DNAH5: variants seen among roughly 807,000 people sequenced by gnomAD.
DNAH5 encodes the protein dynein axonemal heavy chain 5.
A neutral mutation model predicts 518.2 loss-of-function variants in DNAH5; 372 were observed. That is an observed-to-expected ratio of 0.72 (90% confidence interval 0.66 to 0.78). DNAH5 has a LOEUF of 0.78. DNAH5 is among the 30% of genes least tolerant of loss of function. DNAH5 has a pLI of 0.00. For synonymous variants in DNAH5, 2,039 were observed against 2,025.9 expected (o/e 1.01, Z -0.17); for missense variants, 5,523 against 5,687.0 (o/e 0.97, Z 0.93).
In DNAH5 at chr5:13,942,116, G is replaced by A. The variant is rs979446572; in HGVS notation, c.57+2266C>T. On this transcript the variant is annotated intron_variant, in intron 1 of 78. Transcript: ENST00000265104. ...TGGACCATAATTTTTGCAAATGAGC[G>A]AATGAATATATACAGAATAATTTCA... Among the ~76,000 whole-genome samples the A allele has an allele frequency of 9.9e-5, 15 of 152,212 alleles. No individual in the cohort carries two copies. The East Asian group carries it at 1.5e-3, about 16-fold the overall frequency.
chr5:13,864,555 A>C lies in DNAH5; in HGVS notation c.4438T>G (p.Cys1480Gly). 6.2e-7 allele frequency: 1 copy of C among 1,614,148 alleles called. No homozygotes were observed. Among genetic ancestry groups the C allele is most frequent in the East Asian group, 2.2e-5 (1 of 44,880 alleles). Residue 1480 changes from cysteine to glycine, a missense_variant, in exon 28 of 79, where the codon TGC becomes GGC. Cys to Gly is a radical substitution (Grantham distance 159). Coordinates refer to ENST00000265104, the MANE Select transcript of DNAH5 (RefSeq NM_001369.3). Reference sequence around the variant, plus strand: ...CTGGCCATGTATTCCAGCAGCGGGCAACACTCGCTGAAATCATCAATGATC... The same window carrying C: ...CTGGCCATGTATTCCAGCAGCGGGCCACACTCGCTGAAATCATCAATGATC... ...KKIIDDFSECCPLLEYMASKA... is the reference protein window; with the variant it reads ...KKIIDDFSECGPLLEYMASKA...
Position 13,920,538 on chromosome 5 carries a change from G to A in DNAH5, c.740C>T (p.Pro247Leu). ...PTDYLTLANNPETLGKIEDCM... is the reference protein window; with the variant it reads ...PTDYLTLANNLETLGKIEDCM... ...ATCCTCTATTTTTCCCAAAGTCTCA[G>A]GGTTATTTGCTAGAGTCAAGTAGTC... is the stretch of plus-strand genomic sequence containing the variant. The change falls in exon 6 of 79, where the codon CCT (proline) becomes CTT (leucine). Residue 247 changes from proline to leucine, a missense_variant. This residue lies in a region of DNAH5 where 5,121 missense variants were observed against 5,223.3 expected (regional missense o/e 0.98). Coordinates refer to ENST00000265104, the MANE Select transcript of DNAH5 (RefSeq NM_001369.3). The A allele has an allele frequency of 6.2e-7, 1 of 1,614,138 alleles. No homozygotes were observed. Among genetic ancestry groups the A allele is most frequent in the Non-Finnish European group, 8.5e-7 (1 of 1,180,008 alleles).
Position 13,793,660 on chromosome 5 carries a change from C to T in DNAH5, c.8079G>A (p.Glu2693=). Residue 2693 remains glutamate (E), a synonymous_variant, in exon 49 of 79, where the codon GAG becomes GAA. Transcript: ENST00000265104. Reference sequence around the variant, plus strand: ...ACTGGATGTCCACGATGCTGGTGAACTCCCCAGGCTTCTCTAGATTATAGA... The same window carrying T: ...ACTGGATGTCCACGATGCTGGTGAATTCCCCAGGCTTCTCTAGATTATAGA... ...NGFYNLEKPG[E]FTSIVDIQFL... 6.2e-7 allele frequency: 1 copy of T among 1,614,144 alleles called. No individual in the cohort carries two copies. The highest frequency in any genetic ancestry group is 1.1e-5 in the South Asian group (1 of 91,074).
rs1426092109 is a variant in DNAH5 at position 13,789,000 on chromosome 5, C to A, written c.8449-86G>T. 3.3e-6 allele frequency: 4 copies of A among 1,225,430 alleles called. No homozygotes were observed. The South Asian group carries it at 3.9e-5, about 12-fold the overall frequency. The allele number at this position is 1,225,430 out of a possible 1,614,324, so 75.9% of individuals were successfully genotyped here. A position where few individuals can be genotyped will look rare whatever the true frequency, so the allele number is the denominator to read the frequency against. On this transcript the variant is annotated intron_variant, in intron 50 of 78. Coordinates refer to ENST00000265104, the MANE Select transcript of DNAH5 (RefSeq NM_001369.3). ...GGTTGACAGTACTGTAGAGTATTAT[C>A]CTTCCTGATTTAAGATTCAACATTT...
In DNAH5 at chr5:13,856,634, C is replaced by A. The variant is rs140731501; in HGVS notation, c.4950+2818G>T. 4.6e-5 allele frequency among the ~76,000 whole-genome samples: 7 copies of A among 152,150 alleles called. No homozygotes were observed. The East Asian group carries it at 1.4e-3, about 29-fold the overall frequency. Reference sequence around the variant, plus strand: ...AATCTTCAATAAAATACAAGCAAACCGAATCAAACAGCACATTAAAAAGGT... The same window carrying A: ...AATCTTCAATAAAATACAAGCAAACAGAATCAAACAGCACATTAAAAAGGT... On this transcript the variant is annotated intron_variant, in intron 30 of 78. Transcript: ENST00000265104.
intron 78 of DNAH5, among the ~76,000 whole-genome samples, chr5:13,699,628 C>T (rs1741820527): frequency 2.0e-5 from 3 of 152,160 alleles, no homozygotes; most frequent in African/African-American, 4.8e-5. Flanking sequence ...GCAGGAGAAT[C>T]GCTTGAACTC....
intron 30 of DNAH5, among the ~76,000 whole-genome samples, chr5:13,856,809 C>T (rs544489243): frequency 3.3e-4 from 50 of 152,250 alleles, no homozygotes; most frequent in African/African-American, 1.2e-3. Flanking sequence ...TAAAATTGAA[C>T]ATCCTTTCAT....
At chr5:13,723,404 T>C (rs539554843) in intron 70 of DNAH5, among the ~76,000 whole-genome samples, 26 of 152,340 alleles carry the variant, frequency 1.7e-4, no homozygotes, top group East Asian at 1.5e-3. Flanking sequence ...TGCATCTCTA[T>C]AGTGCAACTC....
At chr5:13,694,212 A>T (rs959211832) in intron 78 of DNAH5, among the ~76,000 whole-genome samples, 3 of 152,252 alleles carry the variant, frequency 2.0e-5, no homozygotes, top group Non-Finnish European at 2.9e-5. Flanking sequence ...GGGAAAAAAT[A>T]GCATTCTCTT....
chr5:13,984,049 C>T (rs1782863413), intron 1 of DNAH5, among the ~76,000 whole-genome samples: 1 of 152,104 alleles, frequency 6.6e-6, no homozygotes, highest in African/African-American at 2.4e-5. Flanking sequence ...TCCAGGAGAG[C>T]TCGATGTAAT....
rs17209394 is a variant in DNAH5 at position 13,872,048 on chromosome 5, C to G, written c.3397-283G>C. On this transcript the variant is annotated intron_variant, in intron 22 of 78. Transcript: ENST00000265104. The stretch of plus-strand genomic sequence containing the variant: ...TTGAAGATCCTGTGGACAGGGCCCT[C>G]TTGGTTGGAGCTGGGCCTTAGATCA... Among the ~76,000 whole-genome samples the G allele has an allele frequency of 0.052, 7,917 of 152,220 alleles. 221 individuals are homozygous for G. The highest frequency in any genetic ancestry group is 0.06 in the Admixed American group (922 of 15,276).
At position 13,867,887 on chromosome 5, in the gene DNAH5, C is replaced by T. The variant is rs749996499; in HGVS notation, c.3940G>A (p.Gly1314Ser). The T allele has an allele frequency of 3.1e-6, 5 of 1,614,090 alleles. No individual in the cohort carries two copies. In the South Asian group the frequency reaches 5.5e-5, roughly 18 times the overall value. ...GAGACTAATTTATTCTGGACTTCGC[C>T]AGCACGTGCCAGCAGCTTCTCCCAA... ...YAWEKLLARA[G>S]EVQNKLVSLQ... is the part of the protein sequence containing the mutation. The change falls in exon 25 of 79, where the codon GGC (glycine) becomes AGC (serine). Residue 1314 changes from glycine to serine, a missense_variant. Transcript: ENST00000265104.
rs372803869 is a variant in DNAH5, at chr5:13,786,379, G to A, written c.8648-28C>T. 6.2e-6 allele frequency: 10 copies of A among 1,610,074 alleles called. No individual in the cohort carries two copies. The Admixed American group carries it at 1.0e-4, about 16-fold the overall frequency. ...TTGGTGGGAAATAAGAATCAGTTAAGTTTCTGCAAATACCTGCATTTTACT... is the reference window on the plus strand; with the variant it reads ...TTGGTGGGAAATAAGAATCAGTTAAATTTCTGCAAATACCTGCATTTTACT... On this transcript the variant is annotated intron_variant, in intron 51 of 78. Coordinates refer to ENST00000265104, the MANE Select transcript of DNAH5 (RefSeq NM_001369.3).
chr5:13,750,384 A>G (rs1750043841), intron 65 of DNAH5, among the ~76,000 whole-genome samples: 1 of 152,208 alleles, frequency 6.6e-6, no homozygotes, highest in Non-Finnish European at 1.5e-5. Context: ...CCTAAAGAAA[A>G]TGCTCACTCG....
chr5:13,758,983 C>T lies in DNAH5; in HGVS notation c.10282G>A (p.Ala3428Thr), dbSNP rs760220268. 14 of 1,613,944 alleles carry T rather than the reference C, an allele frequency of 8.7e-6. 1 individual carries two copies. Among genetic ancestry groups the T allele is most frequent in the South Asian group, 7.7e-5 (7 of 91,088 alleles). ...SINKEVLPLKANLVVQENRHL... is the reference protein window; with the variant it reads ...SINKEVLPLKTNLVVQENRHL... Reference sequence around the variant, plus strand: ...CGATTCTCTTGCACCACCAAGTTGGCCTGCACAGGACACACACAGAGTGAA... The same window carrying T: ...CGATTCTCTTGCACCACCAAGTTGGTCTGCACAGGACACACACAGAGTGAA... Residue 3428 changes from alanine to threonine, a missense_variant and splice_region_variant, in exon 61 of 79, where the codon GCC becomes ACC. Physicochemically the swap from Ala to Thr is moderately conservative, Grantham distance 58 (BLOSUM62 0). This residue lies in a region of DNAH5 where 5,121 missense variants were observed against 5,223.3 expected (regional missense o/e 0.98). Coordinates refer to ENST00000265104, the MANE Select transcript of DNAH5 (RefSeq NM_001369.3).
rs542862961 is a variant in DNAH5 at position 13,989,367 on chromosome 5, T to C, written c.12+22281A>G. Among the ~76,000 whole-genome samples, 3 of 152,114 alleles carry C rather than the reference T, an allele frequency of 2.0e-5. No individual in the cohort carries two copies. The South Asian group carries it at 6.2e-4, about 32-fold the overall frequency. ...CATTTTAATTAAGTCGAAAGACATT[T>C]ATGATATGTTGTAAAATGAAAAAAA... On this transcript the variant is annotated intron_variant, in intron 1 of 78. Transcript: ENST00000681290.
chr5:13,761,827 G>A (rs572228499), intron 60 of DNAH5, among the ~76,000 whole-genome samples: 26 of 152,166 alleles, frequency 1.7e-4, no homozygotes, highest in African/African-American at 6.3e-4. Flanking sequence ...GGTTGTCCTG[G>A]GACCTCAAGA....
intron 1 of DNAH5, among the ~76,000 whole-genome samples, chr5:13,970,736 C>CT (rs1561023353): frequency 6.6e-6 from 1 of 152,144 alleles, no homozygotes; most frequent in East Asian, 1.9e-4. Context: ...TTCATCTTGT[C>CT]TTTAGATAAC....
At chr5:13,832,302 A>C (rs1226355122) in intron 35 of DNAH5, among the ~76,000 whole-genome samples, 1 of 152,238 alleles carries the variant, frequency 6.6e-6, no homozygotes, top group Non-Finnish European at 1.5e-5. Flanking sequence ...AAGTTGCTTC[A>C]AACAGATCAA....
Sources: allele counts gnomAD v4.1 joint callset (sites outside exome capture counted in the v4.1 genomes callset), GRCh38; gene constraint gnomAD v4.1.1; regional missense constraint gnomAD v4.1.1; transcripts MANE v1.5; gene names NCBI Gene and HGNC (gene_info 2026-07-23, HGNC 2026-07-21).